The following PRMT8 variants were observed in gnomAD, a reference collection of about 807,000 sequenced individuals.
PRMT8 encodes the protein protein arginine methyltransferase 8, also known as protein arginine N-methyltransferase 8.
Under a neutral mutation model 47.1 loss-of-function variants are expected in PRMT8, and 7 were observed. The observed-to-expected ratio is 0.15, with a 90% CI of 0.08 to 0.28. The LOEUF (loss-of-function observed/expected upper bound fraction) is 0.28. Ranked by LOEUF, PRMT8 falls within the 10% of genes least tolerant of loss-of-function variation. The pLI is 1.00. For missense variants in PRMT8, 237 were observed against 505.4 expected, an observed-to-expected ratio of 0.47 and a Z score of 5.09; for synonymous variants, 188 against 186.5, an observed-to-expected ratio of 1.01 and a Z score of -0.07.
intron 8 of PRMT8, among the ~76,000 whole-genome samples, chr12:3,585,925 T>G (rs1436948586): frequency 6.6e-6 from 1 of 152,078 alleles, no homozygotes; most frequent in African/African-American, 2.4e-5. Flanking sequence ...GGACAGTGGC[T>G]GTGATTGGAA....
chr12:3,496,164 G>C (rs1440939040), intron 1 of PRMT8, among the ~76,000 whole-genome samples: 1 of 127,744 alleles, frequency 7.8e-6, no homozygotes, highest in African/African-American at 2.9e-5. Flanking sequence ...CCAGGAGTTG[G>C]GAAACAGTTT....
chr12:3,396,991 C>T (rs942141548), intron 1 of PRMT8, among the ~76,000 whole-genome samples: 27 of 152,180 alleles, frequency 1.8e-4, no homozygotes, highest in African/African-American at 5.8e-4. Flanking sequence ...ACCCTTTCTT[C>T]CAGTTGATCA....
chr12:3,540,613 G>GGCCCCCCCCGCC lies in PRMT8; in HGVS notation c.83_84insGCCCCCCCCGCC (p.Ser28delinsArgProProProPro). 5.3e-6 allele frequency: 6 copies of GGCCCCCCCCGCC among 1,130,522 alleles called. No homozygotes were observed. Among genetic ancestry groups the GGCCCCCCCCGCC allele is most frequent in the Non-Finnish European group, 8.0e-6 (6 of 752,492 alleles). The allele number at this position is 1,130,522 out of a possible 1,614,324, so 70.0% of individuals were successfully genotyped here. A position where few individuals can be genotyped will look rare whatever the true frequency, so the allele number is the denominator to read the frequency against. ...CCCTTCTCTTCCCCTCAGGTGAACA[G>GGCCCCCCCCGCC]CCCCCCCTCCCAGCCCCCCCAGCCC... On this transcript the variant is annotated protein_altering_variant, in exon 2 of 10. Coordinates refer to ENST00000382622, the MANE Select transcript of PRMT8 (RefSeq NM_019854.5).
At chr12:3,563,932 C>CT (rs1426814660) in intron 4 of PRMT8, among the ~76,000 whole-genome samples, 2 of 151,902 alleles carry the variant, frequency 1.3e-5, no homozygotes, top group African/African-American at 4.8e-5. Flanking sequence ...CCCAATGCCC[C>CT]CCACCTTTTT....
At chr12:3,410,888 T>A (rs1864422254) in intron 1 of PRMT8, among the ~76,000 whole-genome samples, 1 of 152,240 alleles carries the variant, frequency 6.6e-6, no homozygotes, top group South Asian at 2.1e-4. Context: ...CCTCTAGGCT[T>A]CTTTATTTTA....
chr12:3,546,437 T>C (rs1329170001), intron 2 of PRMT8, among the ~76,000 whole-genome samples: 2 of 151,508 alleles, frequency 1.3e-5, no homozygotes, highest in Non-Finnish European at 2.9e-5. Flanking sequence ...AATATCTAGT[T>C]AGATTAATCA....
upstream of PRMT8, among the ~76,000 whole-genome samples, chr12:3,489,829 ACACACGCGCG>A (rs1323547163): frequency 4.5e-4 from 59 of 132,300 alleles, no homozygotes; most frequent in African/African-American, 1.5e-3. Flanking sequence ...ACACACACAC[ACACACGCGCG>A]CACACACACA....
chr12:3,561,882 G>T (rs1039976596), intron 4 of PRMT8, among the ~76,000 whole-genome samples: 3 of 152,288 alleles, frequency 2.0e-5, no homozygotes, highest in East Asian at 3.9e-4. Context: ...GCCATTGTGG[G>T]GATCGCATAG....
intron 1 of PRMT8, among the ~76,000 whole-genome samples, chr12:3,496,073 C>G (rs1471904155): frequency 6.6e-6 from 1 of 151,460 alleles, no homozygotes; most frequent in Non-Finnish European, 1.5e-5. Flanking sequence ...TTTACTGATA[C>G]TTGGTGAAAG....
At chr12:3,516,129 G>A (rs921616051) in intron 1 of PRMT8, among the ~76,000 whole-genome samples, 1 of 152,216 alleles carries the variant, frequency 6.6e-6, no homozygotes, top group African/African-American at 2.4e-5. Context: ...GCAGCATTGA[G>A]TGGGGCCAGG....
intron 8 of PRMT8, among the ~76,000 whole-genome samples, chr12:3,588,597 A>G (rs749414082): frequency 2.4e-4 from 36 of 152,162 alleles, no homozygotes; most frequent in African/African-American, 2.4e-5. Flanking sequence ...CTGTTCCCCA[A>G]TTCTACAGCC....
rs1866800571 is a variant in PRMT8 at position 3,569,273 on chromosome 12, C to G, written c.625-204C>G. 6.6e-6 allele frequency among the ~76,000 whole-genome samples: 1 copy of G among 152,198 alleles called. No homozygotes were observed. Among genetic ancestry groups the G allele is most frequent in the Admixed American group, 6.5e-5 (1 of 15,282 alleles). On this transcript the variant is annotated intron_variant, in intron 5 of 9. Coordinates refer to ENST00000382622, the MANE Select transcript of PRMT8 (RefSeq NM_019854.5). The surrounding 1 kb of genome is among the most constrained non-coding windows in gnomAD (Gnocchi z 8.2). ...CACCTCATTTGTCCTATTGACTCCA[C>G]CTAGGTCCCTTAAATTTTCCTTGCT...
At chr12:3,586,342 T>G (rs933154816) in intron 8 of PRMT8, among the ~76,000 whole-genome samples, 2 of 152,306 alleles carry the variant, frequency 1.3e-5, no homozygotes, top group Middle Eastern at 3.4e-3. Context: ...GTGGCTTTCC[T>G]TCCTAGTCTT....
Position 3,491,408 on chromosome 12 carries a change from G to A in PRMT8, c.-218G>A, listed in dbSNP as rs1235434314. On this transcript the variant is annotated 5_prime_UTR_variant, in exon 1 of 10. It adds an upstream start codon to the 5' untranslated region. Transcript: ENST00000382622. Reference sequence around the variant, plus strand: ...GGGCACGAGAAGAACTTGAAACCGTGTGAAGGAATCCGGAGCAGATGAGAA... The same window carrying A: ...GGGCACGAGAAGAACTTGAAACCGTATGAAGGAATCCGGAGCAGATGAGAA... 1.5e-6 allele frequency: 2 copies of A among 1,325,726 alleles called. No homozygotes were observed. Among genetic ancestry groups the A allele is most frequent in the Non-Finnish European group, 1.9e-6 (2 of 1,037,814 alleles). The allele number at this position is 1,325,726 out of a possible 1,614,324, so 82.1% of individuals were successfully genotyped here.
chr12:3,382,865 T>C (rs1263981210), intron 1 of PRMT8, among the ~76,000 whole-genome samples: 1 of 152,204 alleles, frequency 6.6e-6, no homozygotes, highest in East Asian at 1.9e-4. Flanking sequence ...CCATGATACA[T>C]TTTGAGTTAA....
intron 1 of PRMT8, among the ~76,000 whole-genome samples, chr12:3,533,972 C>A (rs573304465): frequency 3.3e-5 from 5 of 152,338 alleles, no homozygotes; most frequent in African/African-American, 1.2e-4. Context: ...GGTGAGTAAA[C>A]ACAGGTTGAA....
chr12:3,526,685 C>T (rs1009292390), intron 1 of PRMT8, among the ~76,000 whole-genome samples: 8 of 152,218 alleles, frequency 5.3e-5, no homozygotes, highest in African/African-American at 1.9e-4. Context: ...TAATTCCAAA[C>T]ATAACAATTG....
intron 1 of PRMT8, among the ~76,000 whole-genome samples, chr12:3,509,152 TC>T (rs1040133678): frequency 6.6e-6 from 1 of 152,086 alleles, no homozygotes; most frequent in African/African-American, 2.4e-5. Flanking sequence ...TTAAACCCCA[TC>T]AGTGGCTTTT....
At chr12:3,411,509 G>GA (rs1334614516) in intron 1 of PRMT8, among the ~76,000 whole-genome samples, 1 of 152,126 alleles carries the variant, frequency 6.6e-6, no homozygotes. Flanking sequence ...TTCTTCATGG[G>GA]AAAAAACCCC....
Sources: gnomAD v4.1 joint callset for allele counts (sites outside exome capture counted in the v4.1 genomes callset) on GRCh38, gnomAD v4.1.1 for gene constraint, Gnocchi (gnomAD v3.1) non-coding constraint, MANE v1.5 for transcripts, NCBI Gene and HGNC (gene_info 2026-07-23, HGNC 2026-07-21) for gene names.